Variants in CTTNBP2 observed in about 807,000 individuals in gnomAD.
CTTNBP2 encodes the protein cortactin-binding protein 2.
CTTNBP2 carries 108 observed loss-of-function variants against 156.9 expected under a neutral mutation model. That is an observed-to-expected ratio of 0.69 (90% CI 0.59 to 0.81). The LOEUF (loss-of-function observed/expected upper bound fraction) is 0.81. CTTNBP2 is among the 30% of genes least tolerant of loss of function. The pLI is 0.00. For missense variants in CTTNBP2, 1,924 were observed against 2,035.4 expected (o/e 0.95, Z 1.05); for synonymous variants, 767 against 751.8 (o/e 1.02, Z -0.33).
rs1554419706 is a variant in CTTNBP2 at position 117,768,581 on chromosome 7, A to AAGAAAG, written c.2779-1406_2779-1405insCTTTCT. On this transcript the variant is annotated intron_variant, in intron 8 of 22. Transcript: ENST00000160373. Reference sequence around the variant, plus strand: ...ACTCTGTCTCAAAAAAAAAAAAAAAAAAAGAAAGAAAGAAAGAAAGAAATA... The same window carrying AAGAAAG: ...ACTCTGTCTCAAAAAAAAAAAAAAAAAGAAAGAAAGAAAGAAAGAAAGAAAGAAATA... 6.1e-5 allele frequency among the ~76,000 whole-genome samples: 6 copies of AAGAAAG among 99,114 alleles called. No homozygotes were observed. The South Asian group carries it at 9.3e-4, about 15-fold the overall frequency. 65.0% of individuals were successfully genotyped at this position (99,114 alleles called of 152,430 possible). A position where few individuals can be genotyped will look rare whatever the true frequency, so the allele number is the denominator to read the frequency against.
At chr7:117,873,310 G>C in intron 1 of CTTNBP2, 25 bp downstream of exon 1, 1 of 1,420,840 alleles carries the variant, frequency 7.0e-7, no homozygotes, top group East Asian at 3.1e-5. Flanking sequence ...CACTAGCCCC[G>C]CGCCCGCCCC....
intron 2 of CTTNBP2, among the ~76,000 whole-genome samples, chr7:117,854,888 G>A (rs568531276): frequency 1.6e-4 from 24 of 152,096 alleles, no homozygotes; most frequent in African/African-American, 4.8e-4. Flanking sequence ...GGGTTCAGGC[G>A]ATTCTCCTGC....
chr7:117,760,818 A>C, intron 9 of CTTNBP2, 108 bp from the exon 10 acceptor site: 1 of 738,440 alleles, frequency 1.4e-6, no homozygotes, highest in Non-Finnish European at 2.2e-6. Context: ...TTATAAACCA[A>C]AGCTATTTTA....
At chr7:117,837,193 A>G (rs1802008822) in intron 2 of CTTNBP2, among the ~76,000 whole-genome samples, 1 of 152,204 alleles carries the variant, frequency 6.6e-6, no homozygotes, top group Non-Finnish European at 1.5e-5. Flanking sequence ...ATGAGCCAAT[A>G]TATCTCTTAG....
At chr7:117,816,340 C>T (rs1037626865) in intron 2 of CTTNBP2, among the ~76,000 whole-genome samples, 2 of 152,158 alleles carry the variant, frequency 1.3e-5, no homozygotes, top group African/African-American at 2.4e-5. Context: ...CTTTGCACCC[C>T]CTGAACTGTG....
chr7:117,809,504 G>T (rs945046500), intron 3 of CTTNBP2, among the ~76,000 whole-genome samples: 7 of 152,170 alleles, frequency 4.6e-5, no homozygotes, highest in South Asian at 2.1e-4. Flanking sequence ...TATGTGGTTT[G>T]TGGGGAGTTT....
At chr7:117,847,667 C>T (rs754539889) in intron 2 of CTTNBP2, among the ~76,000 whole-genome samples, 4 of 152,154 alleles carry the variant, frequency 2.6e-5, no homozygotes, top group Non-Finnish European at 5.9e-5. Flanking sequence ...AAATTCATAA[C>T]ATAATTTGTG....
In CTTNBP2 at chr7:117,792,797, A is replaced by G; in HGVS notation, c.415-16T>C. On this transcript the variant is annotated splice_polypyrimidine_tract_variant and intron_variant, in intron 3 of 22. Transcript: ENST00000160373. The surrounding 1 kb of genome is among the most constrained non-coding windows in gnomAD (Gnocchi z 4.2). ...CCATTTCCAGCTGAAAGAAATTCAC[A>G]GGAAAACCCTGATTAATATACAGAA... is the stretch of plus-strand genomic sequence containing the variant. The G allele has an allele frequency of 4.0e-6, 6 of 1,507,720 alleles. No homozygotes were observed. The highest frequency in any genetic ancestry group is 5.3e-6 in the Non-Finnish European group (6 of 1,127,036). The allele number at this position is 1,507,720 out of a possible 1,614,324, so 93.4% of individuals were successfully genotyped here.
chr7:117,812,147 C>T (rs1431090986), intron 2 of CTTNBP2, among the ~76,000 whole-genome samples: 1 of 151,912 alleles, frequency 6.6e-6, no homozygotes, highest in Non-Finnish European at 1.5e-5. Context: ...ATTTCACACC[C>T]ACGCAATGAG....
chr7:117,801,049 G>A (rs1487820183), intron 3 of CTTNBP2, among the ~76,000 whole-genome samples: 1 of 152,114 alleles, frequency 6.6e-6, no homozygotes, highest in Non-Finnish European at 1.5e-5. Context: ...GTGATGGTAA[G>A]TTTTGAACTC....
intron 8 of CTTNBP2, among the ~76,000 whole-genome samples, chr7:117,771,978 G>A (rs972783488): frequency 2.0e-5 from 3 of 152,154 alleles, no homozygotes; most frequent in African/African-American, 7.2e-5. Context: ...TTTGCACATT[G>A]GCCGGTCACA....
rs116502229 is a variant in CTTNBP2 at position 117,776,679 on chromosome 7, C to T, written c.2778+832G>A. Among the ~76,000 whole-genome samples the T allele has an allele frequency of 8.1e-3, 1,239 of 152,330 alleles. 16 individuals carry two copies. Among genetic ancestry groups the T allele is most frequent in the African/African-American group, 0.029 (1,192 of 41,566 alleles). Reference sequence around the variant, plus strand: ...TCCTCCAGAATGGGCCATGCCTGAGCCTAACATTCCTGGAGCTCTGCCCTT... The same window carrying T: ...TCCTCCAGAATGGGCCATGCCTGAGTCTAACATTCCTGGAGCTCTGCCCTT... On this transcript the variant is annotated intron_variant, in intron 8 of 22. Transcript: ENST00000160373.
chr7:117,820,859 G>C (rs1446728587), intron 2 of CTTNBP2, among the ~76,000 whole-genome samples: 1 of 152,090 alleles, frequency 6.6e-6, no homozygotes, highest in East Asian at 1.9e-4. Flanking sequence ...CAGTTTGTAA[G>C]ATTTTTAAAA....
At chr7:117,799,402 A>G (rs1335995526) in intron 3 of CTTNBP2, among the ~76,000 whole-genome samples, 1 of 152,016 alleles carries the variant, frequency 6.6e-6, no homozygotes, top group African/African-American at 2.4e-5. Context: ...GATAAAAGAG[A>G]AACACCAGGA....
chr7:117,824,806 A>C (rs926770255), intron 2 of CTTNBP2, among the ~76,000 whole-genome samples: 1 of 152,246 alleles, frequency 6.6e-6, no homozygotes. Flanking sequence ...ATTGTAAGAC[A>C]CAAGACAGAT....
Position 117,724,729 on chromosome 7 carries a change from A to T in CTTNBP2, c.4265T>A (p.Leu1422Gln). The T allele has an allele frequency of 6.2e-7, 1 of 1,613,798 alleles. No individual in the cohort carries two copies. The highest frequency in any genetic ancestry group is 8.5e-7 in the Non-Finnish European group (1 of 1,179,968). The change falls in exon 19 of 23, where the codon CTA becomes CAA. Residue 1422 changes from leucine to glutamine, a missense_variant. Leu to Gln is a moderately radical substitution (Grantham distance 113). Coordinates refer to ENST00000160373, the MANE Select transcript of CTTNBP2 (RefSeq NM_033427.3). ...LHGCPLPRAE[L>Q]DQHTADFKGG... ...TTTGAAATCAGCTGTATGCTGGTCT[A>T]GCTCTGAAACAACACAAATCACAGC...
intron 17 of CTTNBP2, among the ~76,000 whole-genome samples, chr7:117,727,716 C>T (rs1194740549): frequency 1.3e-5 from 2 of 152,114 alleles, no homozygotes; most frequent in African/African-American, 2.4e-5. Flanking sequence ...AAGTACTGAA[C>T]ATATGTCTCA....
intron 1 of CTTNBP2, among the ~76,000 whole-genome samples, chr7:117,864,787 T>C (rs972825399): frequency 7.2e-6 from 1 of 139,676 alleles, no homozygotes; most frequent in Non-Finnish European, 1.5e-5. Context: ...TATATTCATA[T>C]ATATTCATTC....
chr7:117,817,348 AAAAAAAAAAAAAAATAT>A (rs1800655931), intron 2 of CTTNBP2, among the ~76,000 whole-genome samples: 1 of 69,358 alleles, frequency 1.4e-5, no homozygotes, highest in African/African-American at 4.9e-5. Flanking sequence ...AAAAAAAAAA[AAAAAAAAAAAAAAATAT>A]ATATATATAT....
Sources: allele counts gnomAD v4.1 joint callset (sites outside exome capture counted in the v4.1 genomes callset), GRCh38; gene constraint gnomAD v4.1.1; non-coding constraint Gnocchi (gnomAD v3.1); transcripts MANE v1.5; gene names NCBI Gene and HGNC (gene_info 2026-07-23, HGNC 2026-07-21).